Variants in PVT1 observed in about 807,000 individuals in gnomAD.
The protein encoded by PVT1 is CXCR4/PVT1 fusion.
At chr8:127,977,026 C>T (rs999368170) in intron 3 of PVT1, among the ~76,000 whole-genome samples, 4 of 152,200 alleles carry the variant, frequency 2.6e-5, no homozygotes, top group Non-Finnish European at 5.9e-5. Context: ...CATCAGTGTT[C>T]TCTAGAATAC....
intron 4 of PVT1, among the ~76,000 whole-genome samples, chr8:127,999,465 AT>A (rs35695990): frequency 0.21 from 29,888 of 143,558 alleles, 3,031 homozygotes; most frequent in African/African-American, 0.28. Context: ...CATTTCACCC[AT>A]TTTTTTTTTT....
At position 127,947,615 on chromosome 8, in the gene PVT1, G is replaced by C. The variant is rs1252769464; in HGVS notation, n.783-41547G>C. 2.1e-5 allele frequency: 9 copies of C among 438,948 alleles called. No individual in the cohort carries two copies. The Admixed American group carries it at 2.3e-4, about 11-fold the overall frequency. 27.2% of individuals were successfully genotyped at this position (438,948 alleles called of 1,614,324 possible). A position where few individuals can be genotyped will look rare whatever the true frequency, so the allele number is the denominator to read the frequency against. ...TGGCAGAATGAAAGAGTCAGGCAGA[G>C]TCTCACCCGGCCCTGTTTCTTAGCT... On this transcript the variant is annotated intron_variant and non_coding_transcript_variant, in intron 3 of 10. Transcript: ENST00000651587.
At chr8:127,997,203 G>A (rs1040004654) in intron 4 of PVT1, among the ~76,000 whole-genome samples, 7 of 151,698 alleles carry the variant, frequency 4.6e-5, no homozygotes, top group Non-Finnish European at 1.0e-4. Flanking sequence ...CACCACGTCC[G>A]GCTAATTTTG....
chr8:127,874,803 C>A (rs1815387319), intron 2 of PVT1, among the ~76,000 whole-genome samples: 2 of 152,142 alleles, frequency 1.3e-5, no homozygotes, highest in Admixed American at 1.3e-4. Context: ...CCTTCACATC[C>A]CTGGTGGGTA....
chr8:127,848,343 G>T (rs1386774047), intron 2 of PVT1, among the ~76,000 whole-genome samples: 1 of 152,126 alleles, frequency 6.6e-6, no homozygotes, highest in Non-Finnish European at 1.5e-5. Flanking sequence ...TTGAGCCCAG[G>T]AATTCGAGGC....
At chr8:127,934,708 T>C (rs888988908) in intron 3 of PVT1, among the ~76,000 whole-genome samples, 43 of 151,878 alleles carry the variant, frequency 2.8e-4, no homozygotes, top group African/African-American at 1.0e-3. Context: ...ATGAAGACTT[T>C]GTTCCTTGGG....
intron 3 of PVT1, among the ~76,000 whole-genome samples, chr8:127,984,905 CTTTCTTTCTTTCTTTCTCTTTCTCTT>C (rs1816939124): frequency 4.2e-5 from 4 of 96,206 alleles, no homozygotes; most frequent in African/African-American, 1.1e-4. Flanking sequence ...TTCTTTCTTT[CTTTCTTTCTTTCTTTCTCTTTCTCTT>C]TCTTTCTTTC....
At chr8:128,026,526 G>T (rs1409202303) in intron 4 of PVT1, among the ~76,000 whole-genome samples, 1 of 152,096 alleles carries the variant, frequency 6.6e-6, no homozygotes, top group African/African-American at 2.4e-5. Flanking sequence ...ACGTCGAGCA[G>T]TGGGTAGAAA....
At chr8:127,907,478 T>C (rs1211779673) in intron 3 of PVT1, among the ~76,000 whole-genome samples, 1 of 152,194 alleles carries the variant, frequency 6.6e-6, no homozygotes, top group Admixed American at 6.5e-5. Context: ...CTGCAGGGTC[T>C]CCGGAAGTCA....
chr8:127,803,427 C>G (rs1045427661), intron 2 of PVT1: 5 of 152,260 alleles, frequency 3.3e-5, no homozygotes, highest in African/African-American at 1.2e-4. Flanking sequence ...CCGCGCCCAG[C>G]CCCAGGCGGA....
At chr8:127,927,993 A>G (rs1313454309) in intron 3 of PVT1, among the ~76,000 whole-genome samples, 3 of 152,206 alleles carry the variant, frequency 2.0e-5, no homozygotes, top group East Asian at 1.9e-4. Flanking sequence ...CTGCCTTGCC[A>G]AGCTGGTAGA....
At chr8:128,095,272 G>A (rs1387705519) in intron 5 of PVT1, among the ~76,000 whole-genome samples, 1 of 152,150 alleles carries the variant, frequency 6.6e-6, no homozygotes, top group Non-Finnish European at 1.5e-5. Context: ...TCTGAAAAGT[G>A]GGGGTGATGC....
At chr8:128,064,663 T>C (rs1412182555) in intron 4 of PVT1, among the ~76,000 whole-genome samples, 1 of 152,218 alleles carries the variant, frequency 6.6e-6, no homozygotes, top group African/African-American at 2.4e-5. Context: ...ATAAACAGAA[T>C]GTCTGGGACT....
At chr8:127,949,760 A>C (rs1051011548) in intron 3 of PVT1, among the ~76,000 whole-genome samples, 1 of 152,102 alleles carries the variant, frequency 6.6e-6, no homozygotes, top group Admixed American at 6.5e-5. Context: ...AGCGGCTGTC[A>C]TGGTTGATGG....
intron 2 of PVT1, among the ~76,000 whole-genome samples, chr8:127,843,999 T>C (rs1424199587): frequency 1.3e-5 from 2 of 151,980 alleles, no homozygotes; most frequent in Non-Finnish European, 2.9e-5. Flanking sequence ...TATTTTTTTT[T>C]TGAGACGGAG....
At chr8:127,992,350 A>C (rs1236528293) in intron 4 of PVT1, among the ~76,000 whole-genome samples, 1 of 152,182 alleles carries the variant, frequency 6.6e-6, no homozygotes, top group East Asian at 1.9e-4. Context: ...GTGCCACTGC[A>C]CTCCAGCCTG....
intron 2 of PVT1, among the ~76,000 whole-genome samples, chr8:127,847,503 T>TA (rs1190563104): frequency 6.6e-6 from 1 of 152,206 alleles, no homozygotes; most frequent in Non-Finnish European, 1.5e-5. Context: ...AACCTATAGA[T>TA]ATTTGTAGGA....
At chr8:127,994,483 T>C (rs1332126484) in intron 4 of PVT1, among the ~76,000 whole-genome samples, 1 of 152,214 alleles carries the variant, frequency 6.6e-6, no homozygotes, top group Non-Finnish European at 1.5e-5. Flanking sequence ...AAGAGCTTTG[T>C]CCTTCTTTAA....
At chr8:128,053,944 A>G (rs1214394159) in intron 4 of PVT1, among the ~76,000 whole-genome samples, 1 of 152,220 alleles carries the variant, frequency 6.6e-6, no homozygotes, top group African/African-American at 2.4e-5. Flanking sequence ...GCAGGGAAAA[A>G]GAAACTTCCT....
Sources: gnomAD v4.1 joint callset for allele counts (sites outside exome capture counted in the v4.1 genomes callset) on GRCh38, gnomAD v4.1.1 for gene constraint, MANE v1.5 for transcripts, NCBI Gene and HGNC (gene_info 2026-07-23, HGNC 2026-07-21) for gene names.